PARVA: variants seen among roughly 807,000 people sequenced by gnomAD.
The protein encoded by PARVA is parvin alpha, also known as alpha-parvin.
PARVA carries 25 observed loss-of-function variants against 52.6 expected under a neutral mutation model. That is an observed-to-expected ratio of 0.48 (90% confidence interval 0.35 to 0.66). The LOEUF (loss-of-function observed/expected upper bound fraction) is 0.66. PARVA is among the 30% of genes least tolerant of loss of function. PARVA has a pLI of 0.01. For missense variants in PARVA, 373 were observed against 450.9 expected, an observed-to-expected ratio of 0.83 and a Z score of 1.56; for synonymous variants, 185 against 179.1, an observed-to-expected ratio of 1.03 and a Z score of -0.26.
intron 1 of PARVA, among the ~76,000 whole-genome samples, chr11:12,424,306 A>G (rs1296611369): frequency 1.3e-5 from 2 of 152,124 alleles, no homozygotes; most frequent in Non-Finnish European, 2.9e-5. Flanking sequence ...AACAAGTGAT[A>G]TGTCCATTTC....
chr11:12,391,634 C>G (rs1357691779), intron 1 of PARVA, among the ~76,000 whole-genome samples: 1 of 152,322 alleles, frequency 6.6e-6, no homozygotes, highest in Admixed American at 6.5e-5. Context: ...TGCTAACTCC[C>G]CAAGCTACAC....
intron 8 of PARVA, among the ~76,000 whole-genome samples, chr11:12,511,784 A>G (rs921422757): frequency 6.6e-6 from 1 of 152,156 alleles, no homozygotes; most frequent in Non-Finnish European, 1.5e-5. Flanking sequence ...TTTTGTAGCT[A>G]TTGATGTTCA....
At chr11:12,519,642 G>A (rs546740050) in intron 12 of PARVA, among the ~76,000 whole-genome samples, 2 of 152,298 alleles carry the variant, frequency 1.3e-5, no homozygotes, top group South Asian at 4.2e-4. Context: ...TGGAGACTGG[G>A]AGAGAAGTGT....
intron 1 of PARVA, among the ~76,000 whole-genome samples, chr11:12,384,949 T>C (rs1005430252): frequency 6.6e-6 from 1 of 152,176 alleles, no homozygotes; most frequent in Admixed American, 6.5e-5. Flanking sequence ...GTGATCTCAC[T>C]TCTGTTTTAA....
intron 8 of PARVA, 32 bp from the exon 9 acceptor site, chr11:12,513,267 T>C (rs1418777841): frequency 6.2e-7 from 1 of 1,609,186 alleles, no homozygotes; most frequent in South Asian, 1.1e-5. Flanking sequence ...GATCAGCTCT[T>C]GTGCTCCACA....
intron 5 of PARVA, among the ~76,000 whole-genome samples, chr11:12,501,501 G>T (rs1021724409): frequency 1.3e-5 from 2 of 152,136 alleles, no homozygotes; most frequent in Non-Finnish European, 2.9e-5. Context: ...GAAGTCATGG[G>T]TAGGCTGCAG....
At chr11:12,434,524 A>C (rs1940361450) in intron 1 of PARVA, among the ~76,000 whole-genome samples, 1 of 152,194 alleles carries the variant, frequency 6.6e-6, no homozygotes, top group Admixed American at 6.5e-5. Context: ...CACAGCCCCC[A>C]ACCATGTGAC....
intron 4 of PARVA, among the ~76,000 whole-genome samples, chr11:12,488,314 C>T (rs928757685): frequency 6.6e-5 from 10 of 152,076 alleles, no homozygotes; most frequent in African/African-American, 2.4e-4. Flanking sequence ...TTATTGGTAC[C>T]TCATGCTTTA....
chr11:12,428,947 T>C (rs2134992013), intron 1 of PARVA, among the ~76,000 whole-genome samples: 2 of 152,266 alleles, frequency 1.3e-5, no homozygotes, highest in East Asian at 3.9e-4. Flanking sequence ...ATGATGTGTA[T>C]TATTAATCTA....
intron 1 of PARVA, among the ~76,000 whole-genome samples, chr11:12,388,979 C>T (rs2134951528): frequency 6.6e-6 from 1 of 152,134 alleles, no homozygotes; most frequent in East Asian, 1.9e-4. Context: ...TGATAATTAG[C>T]TTATCATCAA....
intron 1 of PARVA, among the ~76,000 whole-genome samples, chr11:12,448,489 C>A (rs1295727646): frequency 2.6e-5 from 4 of 152,172 alleles, no homozygotes; most frequent in Non-Finnish European, 4.4e-5. Context: ...GGTAAGGGTG[C>A]TTGGCAATTC....
chr11:12,499,217 C>A (rs774251222), intron 5 of PARVA, among the ~76,000 whole-genome samples: 1 of 152,102 alleles, frequency 6.6e-6, no homozygotes, highest in Non-Finnish European at 1.5e-5. Flanking sequence ...TGCCTTGGGG[C>A]TTTTGAAGAG....
chr11:12,516,631 C>G (rs1941571114), intron 10 of PARVA, among the ~76,000 whole-genome samples: 1 of 152,274 alleles, frequency 6.6e-6, no homozygotes, highest in Non-Finnish European at 1.5e-5. Flanking sequence ...GCACATAGTT[C>G]TGCTTTTGCC....
rs1939413650 is a variant in PARVA, at chr11:12,377,626, C to T, written c.-22C>T. On this transcript the variant is annotated 5_prime_UTR_variant, in exon 1 of 13. Coordinates refer to ENST00000334956, the MANE Select transcript of PARVA (RefSeq NM_018222.5). ...GCGCCAGCTCCGCGTCCCGACCGGC[C>T]CGCGGCAGCCTGCGCCGCGCCATGG... 6.4e-7 allele frequency: 1 copy of T among 1,563,664 alleles called. No individual in the cohort carries two copies. The highest frequency in any genetic ancestry group is 2.6e-5 in the East Asian group (1 of 38,574).
intron 6 of PARVA, among the ~76,000 whole-genome samples, chr11:12,507,997 C>T (rs1331947617): frequency 3.3e-5 from 5 of 149,406 alleles, no homozygotes; most frequent in African/African-American, 2.5e-5. Context: ...GATGGACGGA[C>T]GGACGGACGA....
intron 1 of PARVA, among the ~76,000 whole-genome samples, chr11:12,434,194 C>T (rs1940355673): frequency 6.6e-6 from 1 of 152,140 alleles, no homozygotes; most frequent in Non-Finnish European, 1.5e-5. Flanking sequence ...GCAGTTTTTC[C>T]ATCCTGTTTT....
At chr11:12,509,838 T>C (rs758913307) in intron 7 of PARVA, among the ~76,000 whole-genome samples, 4 of 152,150 alleles carry the variant, frequency 2.6e-5, no homozygotes, top group Non-Finnish European at 5.9e-5. Context: ...CCAGGCCTGT[T>C]GGGAAAGGAG....
intron 1 of PARVA, among the ~76,000 whole-genome samples, chr11:12,435,688 T>G (rs1199625115): frequency 6.6e-6 from 1 of 152,130 alleles, no homozygotes; most frequent in African/African-American, 2.4e-5. Context: ...GTGGAAACAG[T>G]GTAGGGTTTG....
intron 8 of PARVA, among the ~76,000 whole-genome samples, chr11:12,512,237 A>C (rs999766792): frequency 2.0e-5 from 3 of 152,218 alleles, no homozygotes; most frequent in African/African-American, 7.2e-5. Flanking sequence ...GAAGACATGC[A>C]TGAACACAAG....
Sources: gnomAD v4.1 joint callset for allele counts (sites outside exome capture counted in the v4.1 genomes callset) on GRCh38, gnomAD v4.1.1 for gene constraint, MANE v1.5 for transcripts, NCBI Gene and HGNC (gene_info 2026-07-23, HGNC 2026-07-21) for gene names.